Variants in EXOC6 observed in about 807,000 individuals in gnomAD.
The protein encoded by EXOC6 is exocyst complex component 6.
EXOC6 carries 60 observed loss-of-function variants against 112.5 expected under a neutral mutation model. That is an observed-to-expected ratio of 0.53 (90% CI 0.43 to 0.66). The LOEUF (loss-of-function observed/expected upper bound fraction) is 0.66. EXOC6 is among the 30% of genes least tolerant of loss of function. EXOC6 has a pLI of 0.00. For missense variants in EXOC6, 855 were observed against 957.1 expected, an observed-to-expected ratio of 0.89 and a Z score of 1.41; for synonymous variants, 295 against 308.0, an observed-to-expected ratio of 0.96 and a Z score of 0.44.
intron 20 of EXOC6, among the ~76,000 whole-genome samples, chr10:93,023,695 A>G (rs1844888507): frequency 6.6e-6 from 1 of 152,216 alleles, no homozygotes. Flanking sequence ...TTTCATTTAC[A>G]AAGACCATAT....
upstream of EXOC6, chr10:92,848,444 G>T: frequency 3.4e-6 from 1 of 295,060 alleles, no homozygotes; most frequent in Admixed American, 6.1e-5. Flanking sequence ...CCCCGCCCCC[G>T]CCCCGCCCCT....
At chr10:92,895,602 A>C (rs77173792) in intron 4 of EXOC6, among the ~76,000 whole-genome samples, 2 of 152,168 alleles carry the variant, frequency 1.3e-5, no homozygotes, top group Admixed American at 6.6e-5. Flanking sequence ...GAAATTAACT[A>C]GTATTTTCTT....
At chr10:92,948,573 C>CACTACTACTACTACTACTACT (rs71028860) in intron 14 of EXOC6, among the ~76,000 whole-genome samples, 194 bp downstream of exon 14, 12 of 140,184 alleles carry the variant, frequency 8.6e-5, no homozygotes, top group South Asian at 4.7e-4. Flanking sequence ...CTACTACTAC[C>CACTACTACTACTACTACTACT]ACTACTACTA....
intron 18 of EXOC6, among the ~76,000 whole-genome samples, chr10:92,987,400 A>C (rs1843052251): frequency 6.6e-6 from 1 of 152,222 alleles, no homozygotes; most frequent in South Asian, 2.1e-4. Context: ...TTGTCTAATT[A>C]GTATGGATGT....
At chr10:92,918,997 G>GT (rs1404969343) in intron 7 of EXOC6, among the ~76,000 whole-genome samples, 2 of 151,998 alleles carry the variant, frequency 1.3e-5, no homozygotes, top group African/African-American at 2.4e-5. Flanking sequence ...TTATTATTAG[G>GT]TTTTTTGTCC....
chr10:92,914,365 C>T (rs1180415829), intron 6 of EXOC6, among the ~76,000 whole-genome samples: 1 of 152,136 alleles, frequency 6.6e-6, no homozygotes, highest in East Asian at 1.9e-4. Flanking sequence ...TTTTGGAAAC[C>T]TGAGTTAAAT....
upstream of EXOC6, among the ~76,000 whole-genome samples, chr10:92,834,263 C>T (rs1198451488): frequency 6.6e-6 from 1 of 152,064 alleles, no homozygotes; most frequent in Non-Finnish European, 1.5e-5. Context: ...TGGGCAAGCC[C>T]TTGCCCACAA....
intron 20 of EXOC6, among the ~76,000 whole-genome samples, chr10:93,020,542 T>C (rs1250938000): frequency 1.3e-5 from 2 of 152,184 alleles, no homozygotes; most frequent in Non-Finnish European, 2.9e-5. Flanking sequence ...ATTAAAAATA[T>C]GTTTGCCTAC....
intron 1 of EXOC6, chr10:92,834,904 T>A (rs2133570863): frequency 1.3e-6 from 1 of 781,064 alleles, no homozygotes; most frequent in East Asian, 2.5e-5. Context: ...TAATTCTTTA[T>A]AAGAGTAAAA....
chr10:93,040,526 C>A (rs1039664978), intron 20 of EXOC6, among the ~76,000 whole-genome samples: 4 of 152,206 alleles, frequency 2.6e-5, no homozygotes, highest in African/African-American at 9.6e-5. Flanking sequence ...GGATTACAGG[C>A]GTGAGCCACT....
At chr10:93,026,574 C>T (rs957821992) in intron 20 of EXOC6, among the ~76,000 whole-genome samples, 5 of 152,118 alleles carry the variant, frequency 3.3e-5, no homozygotes, top group East Asian at 3.9e-4. Context: ...CTTTCAGTAC[C>T]GTTTTTCTAA....
intron 19 of EXOC6, among the ~76,000 whole-genome samples, chr10:93,008,106 T>C (rs1348670046): frequency 6.6e-6 from 1 of 151,948 alleles, no homozygotes; most frequent in Non-Finnish European, 1.5e-5. Flanking sequence ...ACCTGGGAGG[T>C]AGGGGTTGCA....
chr10:92,985,614 G>A (rs1842972595), intron 18 of EXOC6, among the ~76,000 whole-genome samples: 2 of 152,086 alleles, frequency 1.3e-5, no homozygotes, highest in Non-Finnish European at 2.9e-5. Context: ...TAAAGTCCCT[G>A]TATATAATAT....
intron 1 of EXOC6, among the ~76,000 whole-genome samples, chr10:92,883,190 A>T (rs1849048140): frequency 1.3e-5 from 2 of 152,180 alleles, no homozygotes; most frequent in Admixed American, 1.3e-4. Flanking sequence ...GTTGCAGGAG[A>T]ATTTGGTGAA....
intron 9 of EXOC6, 55 bp from the exon 10 acceptor site, chr10:92,934,089 C>T: frequency 1.8e-6 from 2 of 1,094,460 alleles, no homozygotes; most frequent in Non-Finnish European, 2.7e-6. Context: ...TTGGAACTTA[C>T]CTTTATGTTA....
intron 18 of EXOC6, among the ~76,000 whole-genome samples, chr10:92,986,309 G>C (rs969772955): frequency 6.6e-6 from 1 of 152,132 alleles, no homozygotes; most frequent in Non-Finnish European, 1.5e-5. Flanking sequence ...AAATAACTAT[G>C]ATGGTGGGAT....
At chr10:92,986,581 G>A (rs1843017194) in intron 18 of EXOC6, among the ~76,000 whole-genome samples, 1 of 151,032 alleles carries the variant, frequency 6.6e-6, no homozygotes, top group African/African-American at 2.4e-5. Context: ...CTTCAGTCTA[G>A]GCGATACTGG....
intron 9 of EXOC6, among the ~76,000 whole-genome samples, chr10:92,933,501 A>G (rs944382351): frequency 3.3e-5 from 5 of 152,208 alleles, no homozygotes; most frequent in Admixed American, 1.3e-4. Flanking sequence ...GCTAAAACGT[A>G]TTAATAATTC....
intron 1 of EXOC6, 96 bp from the exon 2 acceptor site, chr10:92,893,253 G>C (rs1304787627): frequency 5.9e-6 from 5 of 843,064 alleles, no homozygotes; most frequent in Non-Finnish European, 8.9e-6. Context: ...CAGTTTATTT[G>C]TTCAGAGATT....
Sources: gnomAD v4.1 joint callset for allele counts (sites outside exome capture counted in the v4.1 genomes callset) on GRCh38, gnomAD v4.1.1 for gene constraint, MANE v1.5 for transcripts, NCBI Gene and HGNC (gene_info 2026-07-23, HGNC 2026-07-21) for gene names.